The following BCAS3 variants were observed in gnomAD, a reference collection of about 807,000 sequenced individuals.
The protein encoded by BCAS3 is BCAS3 microtubule associated cell migration factor.
In BCAS3, 53 loss-of-function variants were observed where a neutral mutation model predicts 116.1. The observed-to-expected ratio is 0.46, with a 90% CI of 0.37 to 0.57. The LOEUF (loss-of-function observed/expected upper bound fraction) is 0.57, where lower values mean the gene tolerates loss of function less well. BCAS3 is among the 20% of genes least tolerant of loss of function. The pLI, the probability that BCAS3 is intolerant of heterozygous loss-of-function variation, is 0.00. For synonymous variants in BCAS3, 391 were observed against 408.2 expected (o/e 0.96, Z 0.51); for missense variants, 917 against 1,165.4 (o/e 0.79, Z 3.10).
intron 22 of BCAS3, among the ~76,000 whole-genome samples, chr17:61,322,349 T>G (rs1415339027): frequency 1.3e-5 from 2 of 152,154 alleles, no homozygotes; most frequent in East Asian, 1.9e-4. Context: ...GGGAGACTGT[T>G]TTAGGGGACC....
At chr17:61,240,068 A>G (rs1435526040) in intron 22 of BCAS3, among the ~76,000 whole-genome samples, 10 of 152,194 alleles carry the variant, frequency 6.6e-5, no homozygotes, top group Non-Finnish European at 8.8e-5. Context: ...AGAGAAAAGC[A>G]TCTTGTAGAT....
chr17:60,729,315 CTTTT>C (rs560082947), intron 5 of BCAS3, among the ~76,000 whole-genome samples: 3 of 109,096 alleles, frequency 2.7e-5, no homozygotes, highest in Non-Finnish European at 6.0e-5. Flanking sequence ...TATGTGGACT[CTTTT>C]TTTTTTTTTT....
intron 6 of BCAS3, among the ~76,000 whole-genome samples, chr17:60,778,126 A>G (rs1191344902): frequency 2.0e-5 from 3 of 151,024 alleles, no homozygotes; most frequent in Non-Finnish European, 4.4e-5. Context: ...CATTTCATCC[A>G]TGGCTTATCC....
intron 5 of BCAS3, among the ~76,000 whole-genome samples, chr17:60,724,420 C>CAAAAAA (rs748461644): frequency 1.5e-4 from 6 of 39,770 alleles, no homozygotes; most frequent in African/African-American, 5.9e-4. Flanking sequence ...GAGACTGTCT[C>CAAAAAA]AAAAAAAAAA....
intron 12 of BCAS3, among the ~76,000 whole-genome samples, chr17:60,913,050 C>T (rs1035994931): frequency 4.6e-5 from 7 of 151,820 alleles, no homozygotes; most frequent in Non-Finnish European, 8.8e-5. Context: ...TAATTTTTTT[C>T]TTTAAGTTCA....
chr17:61,292,259 A>T (rs1008005710), intron 22 of BCAS3, among the ~76,000 whole-genome samples: 10 of 152,086 alleles, frequency 6.6e-5, no homozygotes, highest in Non-Finnish European at 1.5e-4. Context: ...TTTCCTTGCC[A>T]TTGAACATTC....
chr17:60,828,403 GA>G (rs1598991562), intron 7 of BCAS3, among the ~76,000 whole-genome samples: 1 of 152,258 alleles, frequency 6.6e-6, no homozygotes, highest in East Asian at 1.9e-4. Flanking sequence ...TTTTGGGGGG[GA>G]AATCTTTTGT....
At position 61,046,069 on chromosome 17, in the gene BCAS3, A is replaced by AAT. The variant is rs1491012629; in HGVS notation, c.2029+5188_2029+5189dup. Among the ~76,000 whole-genome samples the AAT allele has an allele frequency of 7.9e-4, 22 of 27,854 alleles. 1 individual carries two copies. In the East Asian group the frequency reaches 0.022, roughly 28 times the overall value. The allele number at this position is 27,854 out of a possible 152,430, so 18.3% of individuals were successfully genotyped here. A position where few individuals can be genotyped will look rare whatever the true frequency, so the allele number is the denominator to read the frequency against. Reference sequence around the variant, plus strand: ...TATAATATATATATTATATATATATAATATATATATATTTATATATATATA... The same window carrying AAT: ...TATAATATATATATTATATATATATAATATATATATATATTTATATATATATA... On this transcript the variant is annotated intron_variant, in intron 19 of 23. Transcript: ENST00000407086.
At chr17:60,785,402 A>G (rs2046207215) in intron 6 of BCAS3, among the ~76,000 whole-genome samples, 1 of 151,918 alleles carries the variant, frequency 6.6e-6, no homozygotes, top group Non-Finnish European at 1.5e-5. Context: ...TAAGCAATCC[A>G]CCTACCTTGG....
intron 16 of BCAS3, among the ~76,000 whole-genome samples, chr17:61,025,543 C>T (rs980443497): frequency 6.6e-6 from 1 of 151,950 alleles, no homozygotes; most frequent in Non-Finnish European, 1.5e-5. Flanking sequence ...TTTGTGTGTA[C>T]TCGTGCACAT....
At chr17:60,888,427 T>G (rs2056889584) in intron 9 of BCAS3, among the ~76,000 whole-genome samples, 1 of 152,198 alleles carries the variant, frequency 6.6e-6, no homozygotes, top group South Asian at 2.1e-4. Context: ...GGGGAAAAAC[T>G]TTCTTATAGA....
chr17:61,219,848 G>A lies in BCAS3; in HGVS notation c.2425+135284G>A, dbSNP rs1281521038. ...GATTGTGTAACATAAAAAAGGAAAG[G>A]TCTTTTAAGGACGTTTTTTTCCCAT... On this transcript the variant is annotated intron_variant, in intron 22 of 23. Coordinates refer to ENST00000407086, the MANE Select transcript of BCAS3 (RefSeq NM_017679.5). The surrounding 1 kb of genome is among the most constrained non-coding windows in gnomAD (Gnocchi z 5.2). Among the ~76,000 whole-genome samples, 2 of 152,126 alleles carry A rather than the reference G, an allele frequency of 1.3e-5. No individual in the cohort carries two copies. The highest frequency in any genetic ancestry group is 2.9e-5 in the Non-Finnish European group (2 of 68,028).
At chr17:60,966,385 GT>G (rs2061661993) in intron 14 of BCAS3, among the ~76,000 whole-genome samples, 1 of 152,090 alleles carries the variant, frequency 6.6e-6, no homozygotes, top group Non-Finnish European at 1.5e-5. Flanking sequence ...TTTTCTGGTT[GT>G]TTCTTTCTTA....
chr17:61,322,556 A>G (rs975342626), intron 22 of BCAS3, among the ~76,000 whole-genome samples: 2 of 150,730 alleles, frequency 1.3e-5, no homozygotes, highest in African/African-American at 4.9e-5. Context: ...ACATGGCCTC[A>G]CTCTCCCTCC....
intron 18 of BCAS3, among the ~76,000 whole-genome samples, chr17:61,039,847 G>C (rs988026917): frequency 6.6e-6 from 1 of 152,130 alleles, no homozygotes; most frequent in African/African-American, 2.4e-5. Flanking sequence ...GCAATCTCAT[G>C]CTCACCGAAA....
At chr17:61,312,880 A>G (rs2054430878) in intron 22 of BCAS3, among the ~76,000 whole-genome samples, 1 of 152,212 alleles carries the variant, frequency 6.6e-6, no homozygotes, top group Non-Finnish European at 1.5e-5. Context: ...CTCCCACAAG[A>G]TGGCCTCTTC....
intron 7 of BCAS3, among the ~76,000 whole-genome samples, chr17:60,856,972 C>A (rs1159484910): frequency 2.6e-5 from 4 of 152,006 alleles, no homozygotes. Flanking sequence ...AAAATGAGGA[C>A]CTTTTCCTCC....
chr17:61,025,020 T>C (rs1174478971), intron 16 of BCAS3, among the ~76,000 whole-genome samples: 4 of 152,046 alleles, frequency 2.6e-5, no homozygotes, highest in African/African-American at 9.7e-5. Flanking sequence ...CTTGCCTAAT[T>C]AGGTGAAATT....
chr17:60,844,953 G>A (rs1283283817), intron 7 of BCAS3, among the ~76,000 whole-genome samples: 1 of 152,202 alleles, frequency 6.6e-6, no homozygotes, highest in Admixed American at 6.5e-5. Flanking sequence ...AACAAGGCTG[G>A]GCACGGTGGC....
Sources: allele counts gnomAD v4.1 joint callset (sites outside exome capture counted in the v4.1 genomes callset), GRCh38; gene constraint gnomAD v4.1.1; non-coding constraint Gnocchi (gnomAD v3.1); transcripts MANE v1.5; gene names NCBI Gene and HGNC (gene_info 2026-07-23, HGNC 2026-07-21).